The following TMEM117 variants were observed in gnomAD, a reference collection of about 807,000 sequenced individuals.
TMEM117 encodes the protein transmembrane protein 117.
In TMEM117, 27 loss-of-function variants were observed where a neutral mutation model predicts 52.4. That is an observed-to-expected ratio of 0.51 (90% CI 0.38 to 0.71). The LOEUF (loss-of-function observed/expected upper bound fraction) is 0.71, where lower values mean the gene tolerates loss of function less well. TMEM117 is among the 30% of genes least tolerant of loss of function. The pLI is 0.00. For synonymous variants in TMEM117, 215 were observed against 206.3 expected (o/e 1.04, Z -0.36); for missense variants, 556 against 630.5 (o/e 0.88, Z 1.26).
intron 3 of TMEM117, among the ~76,000 whole-genome samples, chr12:44,111,778 T>G (rs28867405): frequency 6.3e-5 from 9 of 143,036 alleles, no homozygotes; most frequent in Non-Finnish European, 1.4e-4. Flanking sequence ...CTTTCTGTCT[T>G]GTTGATCTGT....
chr12:43,965,351 G>T (rs1240635201), intron 3 of TMEM117, among the ~76,000 whole-genome samples: 1 of 152,232 alleles, frequency 6.6e-6, no homozygotes, highest in Non-Finnish European at 1.5e-5. Context: ...AGGGTAGACA[G>T]TAAGTCATGT....
chr12:44,347,836 A>T (rs1218600661), intron 6 of TMEM117, among the ~76,000 whole-genome samples: 1 of 152,054 alleles, frequency 6.6e-6, no homozygotes, highest in East Asian at 1.9e-4. Context: ...CTTAAGTTTC[A>T]AATCTGGCTG....
intron 5 of TMEM117, among the ~76,000 whole-genome samples, chr12:44,222,902 A>G (rs1017361105): frequency 6.6e-6 from 1 of 152,196 alleles, no homozygotes; most frequent in East Asian, 1.9e-4. Flanking sequence ...CCAGAATGCT[A>G]CATTCTCTAA....
intron 3 of TMEM117, among the ~76,000 whole-genome samples, chr12:44,073,118 C>A (rs904940441): frequency 6.6e-6 from 1 of 151,866 alleles, no homozygotes; most frequent in Admixed American, 6.6e-5. Context: ...AAAAAAACAA[C>A]CCACATTGTC....
Position 44,388,175 on chromosome 12 carries a change from A to G in TMEM117, c.1048A>G (p.Lys350Glu), listed in dbSNP as rs1952117372. The G allele has an allele frequency of 6.2e-7, 1 of 1,613,384 alleles. No individual in the cohort carries two copies. The highest frequency in any genetic ancestry group is 8.5e-7 in the Non-Finnish European group (1 of 1,179,620). ...TACAGTGAAAGACTCAGAAAGTTTA[A>G]AAGATTTGAACAGAACCAAGCTATC... The part of the protein sequence containing the change: ...IYTVKDSESL[K>E]DLNRTKLSWE... The change falls in exon 8 of 8, where the codon AAA becomes GAA. Residue 350 changes from lysine to glutamate, a missense_variant. Lys to Glu is a moderately conservative substitution (Grantham distance 56). Around this residue, in one of 3 missense-constraint regions of TMEM117, gnomAD observed 206 missense variants for 211.1 expected, o/e 0.98. Transcript: ENST00000266534.
Position 44,179,651 on chromosome 12 carries a change from A to G in TMEM117, c.511-31639A>G, listed in dbSNP as rs143035352. 8.5e-3 allele frequency among the ~76,000 whole-genome samples: 1,299 copies of G among 152,270 alleles called. 14 individuals carry two copies. The highest frequency in any genetic ancestry group is 0.03 in the African/African-American group (1,235 of 41,560). On this transcript the variant is annotated intron_variant, in intron 4 of 7. Transcript: ENST00000266534. ...CACCAATTGGTGGGTCTTTCTTCCT[A>G]GAACACTGACTCAAAAGCCAATCTC...
intron 2 of TMEM117, among the ~76,000 whole-genome samples, chr12:43,882,277 T>C (rs1279616321): frequency 2.6e-5 from 4 of 151,580 alleles, no homozygotes; most frequent in Admixed American, 2.6e-4. Flanking sequence ...CTGGCCGACA[T>C]GGTGAAACCA....
intron 3 of TMEM117, among the ~76,000 whole-genome samples, chr12:44,083,374 T>C (rs1473864250): frequency 6.6e-6 from 1 of 150,906 alleles, no homozygotes; most frequent in Non-Finnish European, 1.5e-5. Context: ...CTTAAATTTG[T>C]ATTGGGTATT....
intron 3 of TMEM117, among the ~76,000 whole-genome samples, chr12:44,024,956 G>C (rs1946510835): frequency 6.6e-6 from 1 of 152,020 alleles, no homozygotes; most frequent in Non-Finnish European, 1.5e-5. Flanking sequence ...AGTGTAGGAA[G>C]GTTGGAGTGC....
At chr12:43,872,981 A>C (rs1943732251) in intron 2 of TMEM117, among the ~76,000 whole-genome samples, 1 of 152,144 alleles carries the variant, frequency 6.6e-6, no homozygotes, top group Non-Finnish European at 1.5e-5. Context: ...CAGACTCTAA[A>C]ATGTAGGGGC....
rs183147939 is a variant in TMEM117, at chr12:43,877,034, T to C, written c.277+32106T>C. 2.5e-3 allele frequency among the ~76,000 whole-genome samples: 374 copies of C among 152,330 alleles called. 1 individual carries two copies. Among genetic ancestry groups the C allele is most frequent in the Non-Finnish European group, 4.5e-3 (303 of 68,022 alleles). ...TCTGCTTATTGTTCCATTGAGTGTG[T>C]CTAACATAATTTATTTCATAGTTTT... is the stretch of plus-strand genomic sequence containing the variant. On this transcript the variant is annotated intron_variant, in intron 2 of 7. Coordinates refer to ENST00000266534, the MANE Select transcript of TMEM117 (RefSeq NM_032256.3).
intron 6 of TMEM117, among the ~76,000 whole-genome samples, chr12:44,314,158 G>C (rs1726879): frequency 0.26 from 39,329 of 151,926 alleles, 8,472 homozygotes; most frequent in African/African-American, 0.6. Flanking sequence ...TTGGTAACAG[G>C]ATCCTTGTCT....
At chr12:43,813,234 T>G in the TMEM117 span, among the ~76,000 whole-genome samples, 37 of 92,284 alleles carry the variant, frequency 4.0e-4, no homozygotes, top group African/African-American at 1.8e-3. Context: ...TTCTCTTGTT[T>G]TTTTTTTTTT....
chr12:43,829,947 G>T, the TMEM117 span, among the ~76,000 whole-genome samples: 1 of 151,732 alleles, frequency 6.6e-6, no homozygotes, highest in Admixed American at 6.6e-5. Flanking sequence ...AATTAGCTGG[G>T]CGTGGTGGTG....
At chr12:44,362,738 C>T (rs1330249658) in intron 6 of TMEM117, among the ~76,000 whole-genome samples, 1 of 151,860 alleles carries the variant, frequency 6.6e-6, no homozygotes, top group Middle Eastern at 3.4e-3. Context: ...AAGGACTAAA[C>T]CAGAAGAGCA....
At chr12:44,179,602 G>A (rs1391333317) in intron 4 of TMEM117, among the ~76,000 whole-genome samples, 1 of 152,216 alleles carries the variant, frequency 6.6e-6, no homozygotes, top group African/African-American at 2.4e-5. Context: ...TTCCAGCCTT[G>A]CTGGCAGCCA....
chr12:44,132,317 G>A (rs1948427579), intron 3 of TMEM117, among the ~76,000 whole-genome samples: 1 of 151,606 alleles, frequency 6.6e-6, no homozygotes, highest in African/African-American at 2.4e-5. Context: ...TTCTCATTAA[G>A]GTACCTCATT....
chr12:44,099,872 A>T lies in TMEM117; in HGVS notation c.411-43653A>T, dbSNP rs184969468. On this transcript the variant is annotated intron_variant, in intron 3 of 7. Transcript: ENST00000266534. The stretch of plus-strand genomic sequence containing the variant: ...AGGCTAAAATGAGCCTAGAAGCTAT[A>T]GCAGATTGGTAGCTGAGCAAGCCAT... 4.0e-4 allele frequency among the ~76,000 whole-genome samples: 61 copies of T among 152,142 alleles called. No individual in the cohort carries two copies. The South Asian group carries it at 0.012, about 30-fold the overall frequency.
intron 6 of TMEM117, among the ~76,000 whole-genome samples, chr12:44,324,349 C>T (rs981813903): frequency 6.6e-6 from 1 of 151,992 alleles, no homozygotes; most frequent in Admixed American, 6.6e-5. Flanking sequence ...TGCTCTATAA[C>T]ATATTAGAGC....
Sources: gnomAD v4.1 joint callset for allele counts (sites outside exome capture counted in the v4.1 genomes callset) on GRCh38, gnomAD v4.1.1 for gene constraint, gnomAD v4.1.1 regional missense constraint, MANE v1.5 for transcripts, NCBI Gene and HGNC (gene_info 2026-07-23, HGNC 2026-07-21) for gene names.